The following FREM3 variants were observed in gnomAD, a reference collection of about 807,000 sequenced individuals.
The protein encoded by FREM3 is FRAS1 related extracellular matrix 3, also known as FRAS1-related extracellular matrix protein 3.
Under a neutral mutation model 129.1 loss-of-function variants are expected in FREM3, and 105 were observed. That is an observed-to-expected ratio of 0.81 (90% CI 0.69 to 0.96). The LOEUF (loss-of-function observed/expected upper bound fraction) is 0.96, where lower values mean the gene tolerates loss of function less well. Among genes scored for constraint, FREM3 ranks in the 40% least tolerant of loss-of-function variants. The pLI is 0.00. For missense variants in FREM3, 2,593 were observed against 2,666.3 expected (o/e 0.97, Z 0.61); for synonymous variants, 1,014 against 1,044.9 (o/e 0.97, Z 0.57).
intron 6 of FREM3, among the ~76,000 whole-genome samples, chr4:143,601,406 G>A (rs1440864862): frequency 1.3e-5 from 2 of 152,104 alleles, no homozygotes; most frequent in Non-Finnish European, 2.9e-5. Flanking sequence ...AAATCCTACT[G>A]CCTCAGGACA....
intron 2 of FREM3, among the ~76,000 whole-genome samples, chr4:143,660,914 T>A (rs575900239): frequency 6.6e-6 from 1 of 152,342 alleles, no homozygotes; most frequent in East Asian, 1.9e-4. Flanking sequence ...AGAATGTTTG[T>A]GATTTTTGTA....
chr4:143,635,231 T>A (rs1166650498), intron 2 of FREM3, among the ~76,000 whole-genome samples: 1 of 152,194 alleles, frequency 6.6e-6, no homozygotes, highest in South Asian at 2.1e-4. Flanking sequence ...ATAAGAAATA[T>A]TTGAATTAGT....
chr4:143,626,092 G>A (rs1001056601), intron 3 of FREM3, among the ~76,000 whole-genome samples: 1 of 152,150 alleles, frequency 6.6e-6, no homozygotes, highest in African/African-American at 2.4e-5. Flanking sequence ...TGGGGTATCA[G>A]AAGGACTTTC....
chr4:143,695,944 G>T lies in FREM3; in HGVS notation c.4732C>A (p.Gln1578Lys), dbSNP rs977892850. ...AAAATCTTGCCATGCATGGGGACCTGGGTGATGGTAAAGAGAATAAGGTCA... is the reference window on the plus strand; with the variant it reads ...AAAATCTTGCCATGCATGGGGACCTTGGTGATGGTAAAGAGAATAAGGTCA... ...PDDLILFTIT[Q>K]VPMHGKILYN... is the part of the protein sequence containing the mutation. The change falls in exon 1 of 8, where the codon CAG becomes AAG. Residue 1578 changes from glutamine to lysine, a missense_variant. By Grantham distance (53) the Gln-to-Lys change is moderately conservative (BLOSUM62 1). This residue lies in a region of FREM3 where 2,276 missense variants were observed against 2,267.2 expected (regional missense o/e 1.00). Coordinates refer to ENST00000329798, the MANE Select transcript of FREM3 (RefSeq NM_001168235.2). 3 of 1,537,682 alleles carry T rather than the reference G, an allele frequency of 2.0e-6. No homozygotes were observed. In the African/African-American group the frequency reaches 4.1e-5, roughly 21 times the overall value.
At chr4:143,581,614 A>C (rs1284477579) in intron 7 of FREM3, among the ~76,000 whole-genome samples, 1 of 151,946 alleles carries the variant, frequency 6.6e-6, no homozygotes, top group Non-Finnish European at 1.5e-5. Flanking sequence ...TGCTGCCCTC[A>C]GACTGGGGAA....
chr4:143,662,041 C>A (rs1238654377), intron 2 of FREM3, among the ~76,000 whole-genome samples: 1 of 151,938 alleles, frequency 6.6e-6, no homozygotes, highest in African/African-American at 2.4e-5. Context: ...AAAAAACCAG[C>A]TCCTGGATTC....
At chr4:143,593,675 G>T (rs189880528) in intron 6 of FREM3, among the ~76,000 whole-genome samples, 2 of 151,806 alleles carry the variant, frequency 1.3e-5, no homozygotes, top group Admixed American at 6.6e-5. Context: ...TAGGCTACTC[G>T]GGGGTCAGGG....
chr4:143,646,566 C>T (rs192411567), intron 2 of FREM3, among the ~76,000 whole-genome samples: 1 of 152,242 alleles, frequency 6.6e-6, no homozygotes, highest in East Asian at 1.9e-4. Flanking sequence ...TTACAAGGGG[C>T]TTCCTCCTTC....
intron 6 of FREM3, among the ~76,000 whole-genome samples, chr4:143,587,182 T>G (rs554122503): frequency 6.6e-6 from 1 of 152,310 alleles, no homozygotes; most frequent in South Asian, 2.1e-4. Flanking sequence ...GCCTCCATCT[T>G]TGTTGATGAT....
intron 4 of FREM3, among the ~76,000 whole-genome samples, chr4:143,623,077 T>C (rs1324452302): frequency 6.6e-6 from 1 of 152,220 alleles, no homozygotes; most frequent in African/African-American, 2.4e-5. Context: ...AATTATGTTT[T>C]AAGAAAACTG....
intron 6 of FREM3, among the ~76,000 whole-genome samples, chr4:143,598,726 C>A (rs1012336492): frequency 5.9e-5 from 9 of 152,128 alleles, no homozygotes; most frequent in African/African-American, 2.2e-4. Flanking sequence ...CCCATATGAT[C>A]ATAATACTGT....
intron 6 of FREM3, among the ~76,000 whole-genome samples, chr4:143,605,939 A>G (rs1332606489): frequency 6.6e-6 from 1 of 152,162 alleles, no homozygotes; most frequent in Admixed American, 6.5e-5. Flanking sequence ...ATATTGGCTC[A>G]TGGTTCTTTT....
rs180929045 is a variant in FREM3, at chr4:143,686,508, C to T, written c.5275+6605G>A. Among the ~76,000 whole-genome samples the T allele has an allele frequency of 5.1e-3, 772 of 152,248 alleles. 5 individuals are homozygous for T. Among genetic ancestry groups the T allele is most frequent in the African/African-American group, 0.018 (739 of 41,542 alleles). ...GATATATACAGAACACTGTATCCAGCAATAGCAGAATACACATTCTATTCA... is the reference window on the plus strand; with the variant it reads ...GATATATACAGAACACTGTATCCAGTAATAGCAGAATACACATTCTATTCA... On this transcript the variant is annotated intron_variant, in intron 2 of 7. Coordinates refer to ENST00000329798, the MANE Select transcript of FREM3 (RefSeq NM_001168235.2).
rs935137818 is a variant in FREM3 at position 143,698,962 on chromosome 4, T to A, written c.1714A>T (p.Ile572Phe). The A allele has an allele frequency of 6.5e-7, 1 of 1,537,068 alleles. No homozygotes were observed. The highest frequency in any genetic ancestry group is 1.4e-5 in the African/African-American group (1 of 73,020). The change falls in exon 1 of 8, where the codon ATT becomes TTT. Residue 572 changes from isoleucine (I) to phenylalanine (F), a missense_variant. Ile to Phe is a conservative substitution (Grantham distance 21, BLOSUM62 0). This residue lies in a region of FREM3 where 2,276 missense variants were observed against 2,267.2 expected (regional missense o/e 1.00). Coordinates refer to ENST00000329798, the MANE Select transcript of FREM3 (RefSeq NM_001168235.2). Reference sequence around the variant, plus strand: ...TGGATGGTTGAGTCCTCAGAGTCAATATCAGTAGCACTCAGTACAAAGGGA... The same window carrying A: ...TGGATGGTTGAGTCCTCAGAGTCAAAATCAGTAGCACTCAGTACAAAGGGA... ...ISPFVLSATD[I>F]DSEDSTIHFV...
At chr4:143,582,317 G>A (rs1738160699) in intron 7 of FREM3, among the ~76,000 whole-genome samples, 1 of 152,068 alleles carries the variant, frequency 6.6e-6, no homozygotes, top group Non-Finnish European at 1.5e-5. Flanking sequence ...AATGCACAGA[G>A]GAGCCATGTG....
At chr4:143,599,829 G>A (rs1365031191) in intron 6 of FREM3, among the ~76,000 whole-genome samples, 1 of 152,158 alleles carries the variant, frequency 6.6e-6, no homozygotes, top group Non-Finnish European at 1.5e-5. Context: ...TAAGAGTGGA[G>A]ACCAGGGTCT....
intron 2 of FREM3, among the ~76,000 whole-genome samples, chr4:143,671,472 TACTAGTTAC>T (rs1330768096): frequency 6.6e-6 from 1 of 152,172 alleles, no homozygotes; most frequent in African/African-American, 2.4e-5. Context: ...CAGCTATGTG[TACTAGTTAC>T]ACACACATAT....
chr4:143,595,217 T>G, intron 6 of FREM3, among the ~76,000 whole-genome samples: 1 of 152,020 alleles, frequency 6.6e-6, no homozygotes, highest in East Asian at 1.9e-4. Flanking sequence ...GATAGGAAAA[T>G]ATTTTTCCAG....
chr4:143,591,873 C>T (rs1011024242), intron 6 of FREM3, among the ~76,000 whole-genome samples: 1 of 152,178 alleles, frequency 6.6e-6, no homozygotes, highest in Non-Finnish European at 1.5e-5. Flanking sequence ...GTGTGGGAGT[C>T]TAAGTCTCTT....
Sources: allele counts gnomAD v4.1 joint callset (sites outside exome capture counted in the v4.1 genomes callset), GRCh38; gene constraint gnomAD v4.1.1; regional missense constraint gnomAD v4.1.1; transcripts MANE v1.5; gene names NCBI Gene and HGNC (gene_info 2026-07-23, HGNC 2026-07-21).